The following KLF8 variants were observed in gnomAD, a reference collection of about 807,000 sequenced individuals.
KLF8 encodes Krueppel-like factor 8.
KLF8 carries 10 observed loss-of-function variants against 18.2 expected under a neutral mutation model. The ratio of observed to expected loss-of-function variants is 0.55; its 90% CI spans 0.34 to 0.93. The LOEUF is 0.93. Ranked by LOEUF, KLF8 falls within the 40% of genes least tolerant of loss-of-function variation. The pLI, the probability that KLF8 is intolerant of heterozygous loss-of-function variation, is 0.02. For missense variants in KLF8, 264 were observed against 277.9 expected (o/e 0.95, Z 0.36); for synonymous variants, 109 against 97.3 (o/e 1.12, Z -0.71).
At chrX:56,092,884 C>T in the KLF8 span, among the ~76,000 whole-genome samples, 11 of 109,730 alleles carry the variant, frequency 1.0e-4, no homozygotes, top group East Asian at 8.6e-4. Flanking sequence ...ATTAAAACCT[C>T]TCCAGCAGAA....
At chrX:56,116,899 G>A in the KLF8 span, among the ~76,000 whole-genome samples, 1 of 110,074 alleles carries the variant, frequency 9.1e-6, no homozygotes, top group East Asian at 2.8e-4. Flanking sequence ...TAACATGTTA[G>A]AACTCTTATC....
the KLF8 span, among the ~76,000 whole-genome samples, chrX:56,209,383 C>T: frequency 9.0e-6 from 1 of 111,131 alleles, no homozygotes; most frequent in Non-Finnish European, 1.9e-5. Context: ...GTCAAGAGAT[C>T]CATGGGTCTC....
chrX:56,020,432 G>T, the KLF8 span, among the ~76,000 whole-genome samples: 1 of 111,863 alleles, frequency 8.9e-6, no homozygotes, highest in Non-Finnish European at 1.9e-5. Flanking sequence ...TTAAAGTAAG[G>T]TAGTAGACAT....
chrX:56,008,137 T>C, the KLF8 span, among the ~76,000 whole-genome samples: 689 of 106,454 alleles, frequency 6.5e-3, 30 homozygotes, highest in Admixed American at 0.06. Context: ...TATATATATA[T>C]ACACACACAA....
Position 56,233,281 on chromosome X carries a change from C to G in KLF8, c.-54C>G. The G allele has an allele frequency of 8.3e-7, 1 of 1,202,632 alleles. No individual in the cohort carries two copies. Among genetic ancestry groups the G allele is most frequent in the Non-Finnish European group, 1.1e-6 (1 of 887,919 alleles). On this transcript the variant is annotated 5_prime_UTR_variant, in exon 1 of 6. Transcript: ENST00000468660. ...CTTGCGATCAGCTCAGGAGTATGAGCCTCCCGGAGGACGGCATGAGTTCTG... is the reference window on the plus strand; with the variant it reads ...CTTGCGATCAGCTCAGGAGTATGAGGCTCCCGGAGGACGGCATGAGTTCTG...
At chrX:56,070,246 C>T in the KLF8 span, among the ~76,000 whole-genome samples, 2 of 109,354 alleles carry the variant, frequency 1.8e-5, no homozygotes, top group South Asian at 4.1e-4. Context: ...TGGGGCCTGT[C>T]GGGGTGTTAG....
chrX:56,250,336 TG>T (rs2066689512), intron 2 of KLF8, 32 bp downstream of exon 2: 13 of 1,012,434 alleles, frequency 1.3e-5, no homozygotes, highest in Non-Finnish European at 1.7e-5. Context: ...GTGCTAATAT[TG>T]GGCCATAATA....
At chrX:55,972,317 G>A in the KLF8 span, among the ~76,000 whole-genome samples, 2 of 111,158 alleles carry the variant, frequency 1.8e-5, no homozygotes, top group African/African-American at 3.3e-5. Context: ...TCAGTTATTT[G>A]TGGGAGCTAA....
At chrX:56,207,222 C>T in the KLF8 span, among the ~76,000 whole-genome samples, 1 of 112,668 alleles carries the variant, frequency 8.9e-6, no homozygotes, top group South Asian at 3.7e-4. Flanking sequence ...ACATTTTCCC[C>T]ATTGTATTGG....
the KLF8 span, among the ~76,000 whole-genome samples, chrX:55,995,419 G>C: frequency 0.085 from 9,503 of 111,618 alleles, 988 homozygotes; most frequent in African/African-American, 0.3. Flanking sequence ...ATTTGATCCT[G>C]TCTTCATGTT....
chrX:56,030,508 A>C, the KLF8 span, among the ~76,000 whole-genome samples: 1 of 111,270 alleles, frequency 9.0e-6, no homozygotes, highest in African/African-American at 3.3e-5. Context: ...TTATTTTTCC[A>C]ATTGAGGAAG....
At chrX:55,929,058 G>A in the KLF8 span, among the ~76,000 whole-genome samples, 2 of 112,021 alleles carry the variant, frequency 1.8e-5, no homozygotes, top group Non-Finnish European at 3.8e-5. Context: ...TTTAATGATC[G>A]CCATTCTAAC....
the KLF8 span, among the ~76,000 whole-genome samples, chrX:56,032,380 G>C: frequency 1.8e-5 from 2 of 110,867 alleles, no homozygotes; most frequent in Non-Finnish European, 3.8e-5. Context: ...TACATCTACA[G>C]TTCTTTGAAA....
the KLF8 span, among the ~76,000 whole-genome samples, chrX:56,199,018 G>T: frequency 1.8e-5 from 2 of 111,672 alleles, no homozygotes; most frequent in Admixed American, 1.9e-4. Context: ...AAATGGTGCT[G>T]GGAAAACTGG....
At chrX:56,163,428 T>C in the KLF8 span, among the ~76,000 whole-genome samples, 1 of 112,120 alleles carries the variant, frequency 8.9e-6, no homozygotes, top group South Asian at 3.7e-4. Context: ...CTTTGCCCAC[T>C]TTTTAATGGA....
chrX:56,040,298 G>T, the KLF8 span, among the ~76,000 whole-genome samples: 1 of 111,479 alleles, frequency 9.0e-6, no homozygotes, highest in African/African-American at 3.3e-5. Flanking sequence ...TCCTTTTCTC[G>T]TGCCAGTTTT....
At chrX:56,149,024 T>TAATGG in the KLF8 span, among the ~76,000 whole-genome samples, 1 of 112,098 alleles carries the variant, frequency 8.9e-6, no homozygotes, top group Admixed American at 9.5e-5. Flanking sequence ...ATTCAAAATA[T>TAATGG]AATGGAAGGC....
chrX:56,160,201 G>T, the KLF8 span, among the ~76,000 whole-genome samples: 2 of 111,934 alleles, frequency 1.8e-5, no homozygotes, highest in African/African-American at 3.2e-5. Flanking sequence ...GAGCAGTTTT[G>T]AGTGAGTTTC....
At chrX:56,016,378 T>G in the KLF8 span, among the ~76,000 whole-genome samples, 1 of 112,283 alleles carries the variant, frequency 8.9e-6, no homozygotes, top group South Asian at 3.7e-4. Flanking sequence ...CATTAATTTG[T>G]TTTCCTTCCA....
Sources: gnomAD v4.1 joint callset for allele counts (sites outside exome capture counted in the v4.1 genomes callset) on GRCh38, gnomAD v4.1.1 for gene constraint, MANE v1.5 for transcripts, NCBI Gene and HGNC (gene_info 2026-07-23, HGNC 2026-07-21) for gene names.